Variants in CMSS1 observed in about 807,000 individuals in gnomAD.
The protein encoded by CMSS1 is cms1 ribosomal small subunit homolog, also known as protein CMSS1.
CMSS1 carries 33 observed loss-of-function variants against 43.5 expected under a neutral mutation model. That is an observed-to-expected ratio of 0.76 (90% confidence interval 0.57 to 1.01). The LOEUF is 1.01. Ranked by LOEUF, CMSS1 falls within the 50% of genes least tolerant of loss-of-function variation. The pLI, the probability that CMSS1 is intolerant of heterozygous loss-of-function variation, is 0.00. For synonymous variants in CMSS1, 115 were observed against 117.2 expected (o/e 0.98, Z 0.12); for missense variants, 313 against 326.4 (o/e 0.96, Z 0.32).
chr3:99,958,239 TA>T (rs1708394331), intron 1 of CMSS1, among the ~76,000 whole-genome samples: 1 of 146,384 alleles, frequency 6.8e-6, no homozygotes, highest in South Asian at 2.1e-4. Context: ...TTATTATTAT[TA>T]TTATTATTAT....
chr3:100,052,175 G>A (rs991112239), intron 1 of CMSS1, among the ~76,000 whole-genome samples: 1 of 152,124 alleles, frequency 6.6e-6, no homozygotes, highest in African/African-American at 2.4e-5. Flanking sequence ...ACTTATAATA[G>A]GCAAATGAGT....
chr3:100,062,402 C>T (rs1052577124), intron 1 of CMSS1, among the ~76,000 whole-genome samples: 2 of 152,040 alleles, frequency 1.3e-5, no homozygotes, highest in African/African-American at 2.4e-5. Flanking sequence ...TGAGCCACCG[C>T]GCCCGGTCTA....
intron 1 of CMSS1, among the ~76,000 whole-genome samples, chr3:99,974,340 T>C (rs1708906361): frequency 6.6e-6 from 1 of 152,218 alleles, no homozygotes; most frequent in African/African-American, 2.4e-5. Context: ...TTTTTCTTTG[T>C]AAGTTTAGTA....
chr3:99,962,290 A>T (rs1708516296), intron 1 of CMSS1, among the ~76,000 whole-genome samples: 1 of 152,148 alleles, frequency 6.6e-6, no homozygotes, highest in South Asian at 2.1e-4. Flanking sequence ...CAGTGGGAAG[A>T]TGAGGTCGCA....
Position 100,006,727 on chromosome 3 carries a change from A to G in CMSS1, c.65-140246A>G, listed in dbSNP as rs73138653. Among the ~76,000 whole-genome samples the G allele has an allele frequency of 2.9e-3, 437 of 152,104 alleles. 2 individuals are homozygous for G. Among genetic ancestry groups the G allele is most frequent in the Non-Finnish European group, 4.5e-3 (309 of 67,996 alleles). On this transcript the variant is annotated intron_variant, in intron 1 of 9. Coordinates refer to ENST00000421999, the MANE Select transcript of CMSS1 (RefSeq NM_032359.4). ...TAGTGACTCCCAGAGTTTGCTAGTT[A>G]AGTTAGGAAATTAAAAGTAAGAGCT...
At position 100,102,597 on chromosome 3, in the gene CMSS1, T is replaced by C. The variant is rs551766743; in HGVS notation, c.65-44376T>C. On this transcript the variant is annotated intron_variant, in intron 1 of 9. Transcript: ENST00000421999. ...ATTTTTTGTGTTTTTCCTACTTCCA[T>C]TACTAAACTATTAATTCTTTGAAGG... Among the ~76,000 whole-genome samples the C allele has an allele frequency of 3.3e-5, 5 of 152,336 alleles. No individual in the cohort carries two copies. In the East Asian group the frequency reaches 9.6e-4, roughly 29 times the overall value.
At chr3:100,056,089 A>G (rs1465774240) in intron 1 of CMSS1, among the ~76,000 whole-genome samples, 2 of 152,210 alleles carry the variant, frequency 1.3e-5, no homozygotes, top group Non-Finnish European at 2.9e-5. Context: ...AAGCTATGGT[A>G]TACCAAGGTC....
At chr3:100,141,620 A>G (rs1437452035) in intron 1 of CMSS1, 1 of 452,242 alleles carries the variant, frequency 2.2e-6, no homozygotes, top group Non-Finnish European at 4.4e-6. Context: ...ATACTTATCA[A>G]AAAGAAGATG....
intron 1 of CMSS1, among the ~76,000 whole-genome samples, chr3:99,894,924 C>T (rs1203618309): frequency 1.3e-5 from 2 of 152,124 alleles, no homozygotes; most frequent in Non-Finnish European, 2.9e-5. Flanking sequence ...CTAGCTGGGA[C>T]CCTATGTGTT....
At chr3:99,934,010 C>T (rs975650183) in intron 1 of CMSS1, among the ~76,000 whole-genome samples, 1 of 152,148 alleles carries the variant, frequency 6.6e-6, no homozygotes, top group Non-Finnish European at 1.5e-5. Flanking sequence ...CGGGCTCTCA[C>T]GTATTTGGCT....
chr3:99,989,776 A>G (rs1421885607), intron 1 of CMSS1, among the ~76,000 whole-genome samples: 1 of 151,930 alleles, frequency 6.6e-6, no homozygotes, highest in African/African-American at 2.4e-5. Flanking sequence ...TGTTAATATT[A>G]AAAGTTAGAT....
At chr3:100,041,001 G>C (rs572176795) in intron 1 of CMSS1, 1 of 152,168 alleles carries the variant, frequency 6.6e-6, no homozygotes, top group Non-Finnish European at 1.5e-5. Context: ...CTGTCCTGAA[G>C]TATGTCTTTG....
intron 1 of CMSS1, among the ~76,000 whole-genome samples, chr3:100,081,383 G>T (rs1576032966): frequency 6.6e-6 from 1 of 152,158 alleles, no homozygotes; most frequent in South Asian, 2.1e-4. Context: ...AACCCAGCAG[G>T]ATTCTTTGAA....
At chr3:99,884,511 T>C (rs961258642) in intron 1 of CMSS1, among the ~76,000 whole-genome samples, 1 of 152,156 alleles carries the variant, frequency 6.6e-6, no homozygotes, top group Non-Finnish European at 1.5e-5. Context: ...TGCTGTTATT[T>C]ATTAAGAGCC....
chr3:99,834,941 T>C (rs1269543617), intron 1 of CMSS1, among the ~76,000 whole-genome samples: 6 of 152,210 alleles, frequency 3.9e-5, no homozygotes, highest in Admixed American at 2.0e-4. Flanking sequence ...AGTAGAGATA[T>C]TGTGTAATAA....
chr3:100,094,980 G>T (rs980960476), intron 1 of CMSS1, among the ~76,000 whole-genome samples: 2 of 152,000 alleles, frequency 1.3e-5, no homozygotes. Context: ...GAGCCACTGC[G>T]CCTGGCCAAA....
At chr3:100,066,191 G>T (rs1272290007) in intron 1 of CMSS1, among the ~76,000 whole-genome samples, 1 of 152,076 alleles carries the variant, frequency 6.6e-6, no homozygotes, top group Non-Finnish European at 1.5e-5. Context: ...GCAGTATAAT[G>T]ATTTTGTTTT....
In CMSS1 at chr3:100,168,914, T is replaced by TAC. The variant is rs534018826; in HGVS notation, c.518+1089_518+1090dup. ...ACACATATATATATACACATATATATACACACACACACACACGCACTCTGA... is the reference window on the plus strand; with the variant it reads ...ACACATATATATATACACATATATATACACACACACACACACACGCACTCTGA... On this transcript the variant is annotated intron_variant, in intron 6 of 9. Coordinates refer to ENST00000421999, the MANE Select transcript of CMSS1 (RefSeq NM_032359.4). 5.3e-3 allele frequency among the ~76,000 whole-genome samples: 792 copies of TAC among 150,014 alleles called. 16 individuals are homozygous for TAC. Among genetic ancestry groups the TAC allele is most frequent in the Admixed American group, 0.038 (576 of 14,996 alleles).
At chr3:100,039,895 A>AG (rs2065174748) in intron 1 of CMSS1, 1 of 152,160 alleles carries the variant, frequency 6.6e-6, no homozygotes, top group Non-Finnish European at 1.5e-5. Context: ...CTGGGACTAC[A>AG]GACGCCCGCC....
Sources: allele counts gnomAD v4.1 joint callset (sites outside exome capture counted in the v4.1 genomes callset), GRCh38; gene constraint gnomAD v4.1.1; transcripts MANE v1.5; gene names NCBI Gene and HGNC (gene_info 2026-07-23, HGNC 2026-07-21).